WHRN: variants seen among roughly 807,000 people sequenced by gnomAD.
WHRN encodes whirlin.
In WHRN, 41 loss-of-function variants were observed where a neutral mutation model predicts 68.3. The observed-to-expected ratio is 0.60, with a 90% CI of 0.47 to 0.78. WHRN has a LOEUF of 0.78. WHRN is among the 30% of genes least tolerant of loss of function. The pLI, the probability that WHRN is intolerant of heterozygous loss-of-function variation, is 0.00. For synonymous variants in WHRN, 560 were observed against 561.3 expected (o/e 1.00, Z 0.03); for missense variants, 1,243 against 1,244.7 (o/e 1.00, Z 0.02).
intron 2 of WHRN, among the ~76,000 whole-genome samples, chr9:114,471,173 G>A (rs1841189478): frequency 6.6e-6 from 1 of 152,108 alleles, no homozygotes; most frequent in Non-Finnish European, 1.5e-5. Context: ...AAGCAGCCGG[G>A]CCCAGTGAAA....
intron 7 of WHRN, among the ~76,000 whole-genome samples, chr9:114,412,251 C>CG (rs1354825134): frequency 1.3e-5 from 2 of 152,190 alleles, no homozygotes; most frequent in South Asian, 4.1e-4. Context: ...GCTAAGAACC[C>CG]GGGGGATGCA....
In WHRN at chr9:114,478,559, C is replaced by T. The variant is rs1290632418; in HGVS notation, c.831G>A (p.Glu277=). ...CTTTCCCCACCCCACTCACCTTTTT[C>T]TCATCCCCTCCTTGCAGGAGGTGCA... The part of the protein sequence containing the change: ...STLHLLQGGD[E]KKVNLVLGDG... Residue 277 remains glutamate, a synonymous_variant, in exon 2 of 12, where the codon GAG becomes GAA. Coordinates refer to ENST00000362057, the MANE Select transcript of WHRN (RefSeq NM_015404.4). The T allele has an allele frequency of 2.5e-6, 4 of 1,614,110 alleles. No individual in the cohort carries two copies. In the Admixed American group the frequency reaches 5.0e-5, roughly 20 times the overall value.
At chr9:114,452,734 T>C (rs1242615783) in intron 3 of WHRN, among the ~76,000 whole-genome samples, 1 of 152,192 alleles carries the variant, frequency 6.6e-6, no homozygotes, top group Non-Finnish European at 1.5e-5. Context: ...AGGTGCTCTC[T>C]GGACATTAGG....
At chr9:114,476,712 T>C (rs1188006730) in intron 2 of WHRN, among the ~76,000 whole-genome samples, 3 of 152,122 alleles carry the variant, frequency 2.0e-5, no homozygotes, top group Non-Finnish European at 4.4e-5. Flanking sequence ...AGCACCCAGG[T>C]GCTCAGCAAA....
chr9:114,489,658 T>C (rs778780468), intron 1 of WHRN, among the ~76,000 whole-genome samples: 32 of 152,188 alleles, frequency 2.1e-4, no homozygotes, highest in Non-Finnish European at 4.1e-4. Context: ...AATAAGCAAA[T>C]GAGATATGTA....
chr9:114,472,924 G>C (rs2133061626), intron 2 of WHRN, among the ~76,000 whole-genome samples: 1 of 152,338 alleles, frequency 6.6e-6, no homozygotes, highest in South Asian at 2.1e-4. Context: ...ACTCATCCAA[G>C]GTTAAGTGGC....
intron 1 of WHRN, among the ~76,000 whole-genome samples, chr9:114,479,457 A>C (rs1019588422): frequency 6.6e-6 from 1 of 152,182 alleles, no homozygotes; most frequent in African/African-American, 2.4e-5. Context: ...GGATGTAATA[A>C]ACCCTAGCCA....
At position 114,505,007 on chromosome 9, in the gene WHRN, G is replaced by A. The variant is rs1373550258; in HGVS notation, c.-206C>T. 1.5e-6 allele frequency: 1 copy of A among 678,954 alleles called. No homozygotes were observed. Among genetic ancestry groups the A allele is most frequent in the Non-Finnish European group, 2.1e-6 (1 of 473,892 alleles). The allele number at this position is 678,954 out of a possible 1,614,324, so 42.1% of individuals were successfully genotyped here. On this transcript the variant is annotated 5_prime_UTR_variant, in exon 1 of 12. Coordinates refer to ENST00000362057, the MANE Select transcript of WHRN (RefSeq NM_015404.4). ...TCCCGGAGGCGCGAAGACGGCGGGG[G>A]TCGCGAACCTGGAATCCGGGGGACG...
chr9:114,451,722 C>T (rs1470962408), intron 3 of WHRN, among the ~76,000 whole-genome samples: 1 of 152,218 alleles, frequency 6.6e-6, no homozygotes, highest in East Asian at 1.9e-4. Context: ...CATCTAAGTT[C>T]TGTAAGAACC....
chr9:114,450,431 C>T (rs1269551373), intron 3 of WHRN, among the ~76,000 whole-genome samples: 1 of 152,104 alleles, frequency 6.6e-6, no homozygotes, highest in East Asian at 1.9e-4. Flanking sequence ...TGAAACTGCC[C>T]TGGCTGGGTG....
rs141364348 is a variant in WHRN at position 114,416,773 on chromosome 9, G to A, written c.1626+6541C>T. ...AACCTTTGGAGTAGAAACAGAATGGGCTCCTCCACACTCCACACCTGCATA... is the reference window on the plus strand; with the variant it reads ...AACCTTTGGAGTAGAAACAGAATGGACTCCTCCACACTCCACACCTGCATA... On this transcript the variant is annotated intron_variant, in intron 7 of 11. Coordinates refer to ENST00000362057, the MANE Select transcript of WHRN (RefSeq NM_015404.4). 2.5e-4 allele frequency among the ~76,000 whole-genome samples: 38 copies of A among 152,234 alleles called. 1 individual carries two copies. The East Asian group carries it at 6.8e-3, about 27-fold the overall frequency.
At chr9:114,463,769 C>T (rs967647159) in intron 3 of WHRN, among the ~76,000 whole-genome samples, 3 of 152,190 alleles carry the variant, frequency 2.0e-5, no homozygotes. Flanking sequence ...AGCATCACTC[C>T]TACCTGCTAA....
intron 1 of WHRN, among the ~76,000 whole-genome samples, chr9:114,492,158 A>T (rs943077704): frequency 4.6e-5 from 7 of 152,220 alleles, no homozygotes; most frequent in African/African-American, 1.7e-4. Context: ...AAGAGCATCA[A>T]CTGCTGTTAA....
At chr9:114,459,708 T>C (rs960320930) in intron 3 of WHRN, among the ~76,000 whole-genome samples, 1 of 152,330 alleles carries the variant, frequency 6.6e-6, no homozygotes, top group South Asian at 2.1e-4. Context: ...GATAGACCTG[T>C]AGAGCAGCAG....
intron 7 of WHRN, among the ~76,000 whole-genome samples, chr9:114,419,860 TCA>T (rs917411441): frequency 1.3e-5 from 2 of 152,164 alleles, no homozygotes; most frequent in Non-Finnish European, 2.9e-5. Flanking sequence ...GACGGGATTC[TCA>T]CTGCAGAGCT....
Position 114,481,845 on chromosome 9 carries a change from G to C in WHRN, c.619-3074C>G, listed in dbSNP as rs569356176. On this transcript the variant is annotated intron_variant, in intron 1 of 11. Transcript: ENST00000362057. Reference sequence around the variant, plus strand: ...GGAGGCATCACCCAGCACACATCAGGTCCTCATGACACTTATGCCTGGTGA... The same window carrying C: ...GGAGGCATCACCCAGCACACATCAGCTCCTCATGACACTTATGCCTGGTGA... 5.9e-5 allele frequency among the ~76,000 whole-genome samples: 9 copies of C among 152,230 alleles called. No individual in the cohort carries two copies. The East Asian group carries it at 1.7e-3, about 29-fold the overall frequency.
intron 2 of WHRN, among the ~76,000 whole-genome samples, chr9:114,468,992 GC>G (rs1345228605): frequency 6.6e-6 from 1 of 152,192 alleles, no homozygotes; most frequent in Non-Finnish European, 1.5e-5. Context: ...TAGGTATGTG[GC>G]CCCGGCCAAG....
In WHRN at chr9:114,456,703, G is replaced by A. The variant is rs562738706; in HGVS notation, c.963+9564C>T. On this transcript the variant is annotated intron_variant, in intron 3 of 11. Coordinates refer to ENST00000362057, the MANE Select transcript of WHRN (RefSeq NM_015404.4). ...AAATTAGCTAGGTGTGGTGATGCAT[G>A]TCTGTAGTGTCAGCTCCTTGGAGGC... 3.6e-4 allele frequency among the ~76,000 whole-genome samples: 55 copies of A among 152,132 alleles called. No homozygotes were observed. The South Asian group carries it at 7.9e-3, about 22-fold the overall frequency.
intron 7 of WHRN, among the ~76,000 whole-genome samples, chr9:114,414,560 C>T (rs1835676959): frequency 6.6e-6 from 1 of 152,190 alleles, no homozygotes; most frequent in South Asian, 2.1e-4. Flanking sequence ...GCAGCTGGGG[C>T]CAGCCCATGT....
Sources: gnomAD v4.1 joint callset for allele counts (sites outside exome capture counted in the v4.1 genomes callset) on GRCh38, gnomAD v4.1.1 for gene constraint, MANE v1.5 for transcripts, NCBI Gene and HGNC (gene_info 2026-07-23, HGNC 2026-07-21) for gene names.